CES5A: variants seen among roughly 807,000 people sequenced by gnomAD.
CES5A encodes carboxylesterase 5.
CES5A carries 67 observed loss-of-function variants against 62.9 expected under a neutral mutation model. The observed-to-expected ratio is 1.07, with a 90% confidence interval of 0.88 to 1.31. The LOEUF (loss-of-function observed/expected upper bound fraction) is 1.31, where lower values mean the gene tolerates loss of function less well. Among genes scored for constraint, CES5A ranks in the 50% most tolerant of loss-of-function variants. CES5A has a pLI of 0.00. For synonymous variants in CES5A, 296 were observed against 280.8 expected, an observed-to-expected ratio of 1.05 and a Z score of -0.54; for missense variants, 748 against 708.5, an observed-to-expected ratio of 1.06 and a Z score of -0.63.
Position 55,864,933 on chromosome 16 carries a change from A to G in CES5A, c.705+1030T>C, listed in dbSNP as rs576587696. Among the ~76,000 whole-genome samples, 3 of 152,188 alleles carry G rather than the reference A, an allele frequency of 2.0e-5. No individual in the cohort carries two copies. In the South Asian group the frequency reaches 6.2e-4, roughly 32 times the overall value. On this transcript the variant is annotated intron_variant, in intron 5 of 12. Transcript: ENST00000290567. ...AAAAAAAATATTGCTGTCACCGGACACGGTGGCTCACGCCTGTAATCCCAG... is the reference window on the plus strand; with the variant it reads ...AAAAAAAATATTGCTGTCACCGGACGCGGTGGCTCACGCCTGTAATCCCAG...
chr16:55,953,159 A>G (rs1347900569), intron 1 of CES5A, among the ~76,000 whole-genome samples: 1 of 152,226 alleles, frequency 6.6e-6, no homozygotes, highest in Non-Finnish European at 1.5e-5. Flanking sequence ...GTAATTTAAC[A>G]ACAATTTCTG....
At chr16:55,859,184 G>A (rs754640394) in intron 8 of CES5A, among the ~76,000 whole-genome samples, 1 of 152,216 alleles carries the variant, frequency 6.6e-6, no homozygotes, top group African/African-American at 2.4e-5. Flanking sequence ...AAAATTTGAA[G>A]GACTGAAGTT....
chr16:55,876,809 A>T (rs945426594), upstream of CES5A, among the ~76,000 whole-genome samples: 1 of 152,098 alleles, frequency 6.6e-6, no homozygotes, highest in African/African-American at 2.4e-5. Context: ...TCCAGACATC[A>T]CCGTGTGGCT....
At chr16:55,850,201 A>G (rs1483060997) in intron 10 of CES5A, among the ~76,000 whole-genome samples, 1 of 152,192 alleles carries the variant, frequency 6.6e-6, no homozygotes, top group Admixed American at 6.5e-5. Context: ...CATTTTCTTA[A>G]CAATATTTTT....
intron 10 of CES5A, among the ~76,000 whole-genome samples, chr16:55,851,150 A>C (rs2033124206): frequency 1.3e-5 from 2 of 152,188 alleles, no homozygotes; most frequent in Non-Finnish European, 2.9e-5. Context: ...ATTTCATCAA[A>C]ATTAAAAACT....
intron 2 of CES5A, among the ~76,000 whole-genome samples, chr16:55,947,953 G>A (rs1478271410): frequency 2.6e-5 from 4 of 152,078 alleles, no homozygotes; most frequent in Non-Finnish European, 5.9e-5. Flanking sequence ...GGAGACACAC[G>A]AATGGACTTT....
At chr16:55,851,498 A>G (rs1161019884) in intron 10 of CES5A, among the ~76,000 whole-genome samples, 4 of 152,220 alleles carry the variant, frequency 2.6e-5, no homozygotes, top group African/African-American at 9.6e-5. Flanking sequence ...GAAGAAAATA[A>G]CAAATGTTGG....
At chr16:55,915,287 A>G (rs570634064) in intron 1 of CES5A, among the ~76,000 whole-genome samples, 1 of 152,356 alleles carries the variant, frequency 6.6e-6, no homozygotes, top group South Asian at 2.1e-4. Context: ...ATTGGATGCC[A>G]GGCACACCCG....
chr16:55,914,994 T>C (rs1488837218), intron 1 of CES5A, among the ~76,000 whole-genome samples: 1 of 148,588 alleles, frequency 6.7e-6, no homozygotes, highest in East Asian at 1.9e-4. Flanking sequence ...TAGTTCTAAA[T>C]AAAAAGTTGT....
At chr16:55,940,953 T>C (rs1597159523) in intron 2 of CES5A, among the ~76,000 whole-genome samples, 1 of 151,232 alleles carries the variant, frequency 6.6e-6, no homozygotes, top group East Asian at 1.9e-4. Context: ...CAACAATTCA[T>C]GATAAAAAAA....
rs550671739 is a variant in CES5A, at chr16:55,898,904, T to C, written c.-255-24867A>G. 2.0e-5 allele frequency among the ~76,000 whole-genome samples: 3 copies of C among 152,024 alleles called. No individual in the cohort carries two copies. In the South Asian group the frequency reaches 6.3e-4, roughly 32 times the overall value. ...ACTGGGTTGGCAGCCAAATTGACTCTCTCAACCACCTCATAATGGAAGTCT... is the reference window on the plus strand; with the variant it reads ...ACTGGGTTGGCAGCCAAATTGACTCCCTCAACCACCTCATAATGGAAGTCT... On this transcript the variant is annotated intron_variant, in intron 1 of 12. Transcript: ENST00000518005.
At chr16:55,861,880 G>A (rs182574881) in intron 6 of CES5A, among the ~76,000 whole-genome samples, 30 of 152,274 alleles carry the variant, frequency 2.0e-4, no homozygotes, top group Non-Finnish European at 2.4e-4. Flanking sequence ...GCCCAACCTT[G>A]AGGTGCTGAA....
upstream of CES5A, among the ~76,000 whole-genome samples, chr16:55,880,351 A>G (rs1291256486): frequency 6.6e-6 from 1 of 152,208 alleles, no homozygotes; most frequent in East Asian, 1.9e-4. Flanking sequence ...CAGAAGGGTC[A>G]TGAGAGCTGA....
chr16:55,938,801 CACATAT>C (rs1567362452), intron 2 of CES5A, among the ~76,000 whole-genome samples: 1 of 88,662 alleles, frequency 1.1e-5, no homozygotes, highest in Non-Finnish European at 2.0e-5. Context: ...TATATATACA[CACATAT>C]ATATATATAC....
chr16:55,846,252 T>C lies in CES5A; in HGVS notation c.*199A>G. ...TTCCAAATTTATTGAAGAAATCTTG[T>C]TGCCTTCCAAGACAAATTGCACTTT... On this transcript the variant is annotated 3_prime_UTR_variant, in exon 13 of 13. Transcript: ENST00000290567. 1 of 592,898 alleles carries C rather than the reference T, an allele frequency of 1.7e-6. No individual in the cohort carries two copies. Among genetic ancestry groups the C allele is most frequent in the Non-Finnish European group, 3.0e-6 (1 of 334,822 alleles). 36.7% of individuals were successfully genotyped at this position (592,898 alleles called of 1,614,324 possible). A position where few individuals can be genotyped will look rare whatever the true frequency, so the allele number is the denominator to read the frequency against.
chr16:55,937,311 C>T (rs1347749840), intron 2 of CES5A, among the ~76,000 whole-genome samples: 2 of 152,164 alleles, frequency 1.3e-5, no homozygotes, highest in Non-Finnish European at 2.9e-5. Context: ...GCCTCCCTCG[C>T]TGGGCCATGA....
Position 55,897,845 on chromosome 16 carries a change from A to T in CES5A, c.-255-23808T>A, listed in dbSNP as rs9924571. ...TAGAATAAAGAAATGTAGTAGTAGG[A>T]TAAATAAATTGTGGTATATACATAT... On this transcript the variant is annotated intron_variant, in intron 1 of 12. Coordinates refer to the CES5A transcript ENST00000518005. Among the ~76,000 whole-genome samples the T allele has an allele frequency of 8.8e-3, 1,333 of 152,340 alleles. 24 individuals are homozygous for T. The highest frequency in any genetic ancestry group is 0.031 in the African/African-American group (1,270 of 41,564).
chr16:55,917,318 A>G (rs566539343), intron 1 of CES5A, among the ~76,000 whole-genome samples: 4 of 152,346 alleles, frequency 2.6e-5, no homozygotes, highest in East Asian at 3.9e-4. Context: ...TAAAACAATG[A>G]ATACTTTTTA....
upstream of CES5A, among the ~76,000 whole-genome samples, chr16:55,925,866 A>G (rs1041842127): frequency 1.3e-5 from 2 of 152,260 alleles, no homozygotes; most frequent in South Asian, 4.1e-4. Context: ...AGAATAGGAG[A>G]AAATATTTCC....
Sources: allele counts gnomAD v4.1 joint callset (sites outside exome capture counted in the v4.1 genomes callset), GRCh38; gene constraint gnomAD v4.1.1; transcripts MANE v1.5; gene names NCBI Gene and HGNC (gene_info 2026-07-23, HGNC 2026-07-21).